Variants in RBM26 observed in about 807,000 individuals in gnomAD.
RBM26 encodes RNA binding motif protein 26.
Under a neutral mutation model 123.6 loss-of-function variants are expected in RBM26, and 30 were observed. The observed-to-expected ratio is 0.24, with a 90% CI of 0.18 to 0.33. RBM26 has a LOEUF of 0.33. Among genes scored for constraint, RBM26 ranks in the 10% least tolerant of loss-of-function variants. RBM26 has a pLI of 1.00. For synonymous variants in RBM26, 400 were observed against 404.4 expected (o/e 0.99, Z 0.13); for missense variants, 947 against 1,203.6 (o/e 0.79, Z 3.15).
At chr13:79,316,493 A>G (rs1593826315), downstream of RBM26, among the ~76,000 whole-genome samples, 1 of 151,788 alleles carries the variant, frequency 6.6e-6, no homozygotes, top group African/African-American at 2.4e-5. Flanking sequence ...ATTTCTTTCA[A>G]TTAAACTTAG....
intron 4 of RBM26, 124 bp from the exon 5 acceptor site, chr13:79,371,286 GA>G: frequency 1.4e-6 from 1 of 739,882 alleles, no homozygotes; most frequent in East Asian, 2.7e-5. Context: ...TCAGACAACT[GA>G]AAAAACTGAG....
Position 79,320,569 on chromosome 13 carries a change from C to T in RBM26, c.*52G>A. The T allele has an allele frequency of 1.4e-6, 2 of 1,470,760 alleles. No homozygotes were observed. Among genetic ancestry groups the T allele is most frequent in the Non-Finnish European group, 1.8e-6 (2 of 1,109,010 alleles). The allele number at this position is 1,470,760 out of a possible 1,614,324, so 91.1% of individuals were successfully genotyped here. On this transcript the variant is annotated 3_prime_UTR_variant, in exon 22 of 22. Coordinates refer to ENST00000438737, the MANE Select transcript of RBM26 (RefSeq NM_001366735.2). Reference sequence around the variant, plus strand: ...ATATGTAAAAGTACATTAGATAATACTAATGAAACACAGGTAGAGTTCTAG... The same window carrying T: ...ATATGTAAAAGTACATTAGATAATATTAATGAAACACAGGTAGAGTTCTAG...
chr13:79,341,398 G>C (rs1457675918), intron 17 of RBM26, among the ~76,000 whole-genome samples, 171 bp from the exon 18 acceptor site: 1 of 151,758 alleles, frequency 6.6e-6, no homozygotes, highest in Non-Finnish European at 1.5e-5. Flanking sequence ...AACTGCAACA[G>C]CTTCCTAACT....
downstream of RBM26, chr13:79,318,695 G>A (rs926538233): frequency 6.2e-6 from 4 of 644,136 alleles, no homozygotes; most frequent in African/African-American, 7.9e-5. Flanking sequence ...TGTATTTTCA[G>A]TTACATTGTA....
chr13:79,372,739 T>A (rs912609568), intron 3 of RBM26, among the ~76,000 whole-genome samples: 1 of 126,986 alleles, frequency 7.9e-6, no homozygotes, highest in Non-Finnish European at 1.6e-5. Flanking sequence ...TATATTTATG[T>A]ATCATATTGT....
intron 9 of RBM26, among the ~76,000 whole-genome samples, chr13:79,360,008 T>C (rs116754281): frequency 2.1e-3 from 315 of 152,148 alleles, no homozygotes; most frequent in African/African-American, 7.2e-3. Context: ...GCTCCAACAC[T>C]TGATCTCATC....
At position 79,369,017 on chromosome 13, in the gene RBM26, A is replaced by C. The variant is rs546532526; in HGVS notation, c.635-27T>G. Reference sequence around the variant, plus strand: ...TGCAACGAAAGATAAATGACATATAAAACTACACTGTATTAAAAAAAAAAA... The same window carrying C: ...TGCAACGAAAGATAAATGACATATACAACTACACTGTATTAAAAAAAAAAA... On this transcript the variant is annotated intron_variant, in intron 5 of 21. Transcript: ENST00000438737. The C allele has an allele frequency of 9.4e-5, 140 of 1,481,572 alleles. 2 individuals carry two copies. The South Asian group carries it at 1.8e-3, about 19-fold the overall frequency. 91.8% of individuals were successfully genotyped at this position (1,481,572 alleles called of 1,614,324 possible).
At chr13:79,333,252 T>C (rs2069722857) in intron 20 of RBM26, among the ~76,000 whole-genome samples, 1 of 152,232 alleles carries the variant, frequency 6.6e-6, no homozygotes, top group Non-Finnish European at 1.5e-5. Context: ...GAAATGATTA[T>C]TCAAAGCTAG....
At chr13:79,384,631 G>A (rs1351729015) in intron 1 of RBM26, among the ~76,000 whole-genome samples, 3 of 152,276 alleles carry the variant, frequency 2.0e-5, no homozygotes, top group Admixed American at 1.3e-4. Flanking sequence ...GCATAGAAGT[G>A]ACCATCTAAG....
intron 18 of RBM26, among the ~76,000 whole-genome samples, chr13:79,338,710 A>G (rs962519212): frequency 2.6e-5 from 4 of 152,242 alleles, no homozygotes; most frequent in African/African-American, 9.6e-5. Context: ...TATTCTGGCT[A>G]GAGTTTTAAG....
chr13:79,365,001 A>C (rs1487588291), intron 9 of RBM26, among the ~76,000 whole-genome samples: 1 of 151,912 alleles, frequency 6.6e-6, no homozygotes, highest in Admixed American at 6.6e-5. Flanking sequence ...AAAAAAGGCT[A>C]CCCAAGAAAA....
At chr13:79,366,966 A>T (rs542131082) in intron 6 of RBM26, 94 bp from the exon 7 acceptor site, 2 of 1,036,056 alleles carry the variant, frequency 1.9e-6, no homozygotes, top group African/African-American at 1.6e-5. Context: ...AAAAATATGA[A>T]TATTTTTAAT....
In RBM26 at chr13:79,371,127, C is replaced by A; in HGVS notation, c.452G>T (p.Arg151Leu). Residue 151 changes from arginine (R) to leucine (L), a missense_variant, in exon 5 of 22, where the codon CGC (arginine) becomes CTC (leucine). Physicochemically the swap from Arg to Leu is moderately radical, Grantham distance 102. Coordinates refer to ENST00000438737, the MANE Select transcript of RBM26 (RefSeq NM_001366735.2). ...RDERKKDDRS[R>L]KRDYDRNPPR... ...AGGGTTTCGATCATAATCTCTTTTG[C>A]GAGAACGATCATCTTTTTTCCTCTC... 1 of 1,613,924 alleles carries A rather than the reference C, an allele frequency of 6.2e-7. No individual in the cohort carries two copies.
chr13:79,341,616 G>A (rs1043541651), intron 17 of RBM26, among the ~76,000 whole-genome samples: 1 of 151,684 alleles, frequency 6.6e-6, no homozygotes, highest in Admixed American at 6.6e-5. Context: ...TTTACAAAAA[G>A]AAAAACTAGG....
At chr13:79,327,703 A>C (rs2068649136) in intron 20 of RBM26, among the ~76,000 whole-genome samples, 1 of 152,192 alleles carries the variant, frequency 6.6e-6, no homozygotes, top group South Asian at 2.1e-4. Flanking sequence ...TCTCATTTAA[A>C]ATAGCAATAA....
intron 9 of RBM26, among the ~76,000 whole-genome samples, chr13:79,364,375 A>G (rs866168904): frequency 6.6e-6 from 1 of 152,226 alleles, no homozygotes; most frequent in Non-Finnish European, 1.5e-5. Flanking sequence ...CACATTTACC[A>G]AACTCCATTA....
intron 1 of RBM26, chr13:79,389,778 C>T (rs1217944301): frequency 2.0e-5 from 3 of 152,114 alleles, no homozygotes; most frequent in Admixed American, 6.5e-5. Context: ...TGACTACATA[C>T]AGGAAGTACT....
chr13:79,401,031 A>G (rs748564939), intron 1 of RBM26, among the ~76,000 whole-genome samples: 2 of 152,192 alleles, frequency 1.3e-5, no homozygotes, highest in Non-Finnish European at 2.9e-5. Flanking sequence ...AGTTTTTCCT[A>G]AAGAATGGGA....
rs891352793 is a variant in RBM26, at chr13:79,359,585, A to G, written c.1519T>C (p.Trp507Arg). The change falls in exon 10 of 22, where the codon TGG becomes CGG. Residue 507 changes from tryptophan (W) to arginine (R), a missense_variant. This residue lies in a region of RBM26 where 493 missense variants were observed against 563.1 expected (regional missense o/e 0.88). Transcript: ENST00000438737. The stretch of plus-strand genomic sequence containing the variant: ...TCCTGGCCACCTTACTTATCAAACC[A>G]AGTCTTCTTTGTAGGAACTCCAGGC... ...GEPGVPTKKT[W>R]FDKPNFNRTN... is the part of the protein sequence containing the mutation. 2 of 1,559,808 alleles carry G rather than the reference A, an allele frequency of 1.3e-6. No homozygotes were observed. The highest frequency in any genetic ancestry group is 8.8e-7 in the Non-Finnish European group (1 of 1,142,160).
Sources: gnomAD v4.1 joint callset for allele counts (sites outside exome capture counted in the v4.1 genomes callset) on GRCh38, gnomAD v4.1.1 for gene constraint, gnomAD v4.1.1 regional missense constraint, MANE v1.5 for transcripts, NCBI Gene and HGNC (gene_info 2026-07-23, HGNC 2026-07-21) for gene names.